HEMK2: variants seen among roughly 807,000 people sequenced by gnomAD.
HEMK2 encodes the protein HemK methyltransferase 2, ETF1 glutamine and histone H4 lysine.
the HEMK2 span, among the ~76,000 whole-genome samples, chr21:28,784,623 C>T: frequency 6.6e-6 from 1 of 152,052 alleles, no homozygotes. Flanking sequence ...CTGTGTCTAG[C>T]TCAAGGTTTG....
chr21:28,622,260 T>C, the HEMK2 span, among the ~76,000 whole-genome samples: 2 of 152,156 alleles, frequency 1.3e-5, no homozygotes, highest in East Asian at 1.9e-4. Flanking sequence ...TACCTAGGAA[T>C]ACAACTTACA....
the HEMK2 span, among the ~76,000 whole-genome samples, chr21:28,842,213 G>A: frequency 6.6e-6 from 1 of 151,528 alleles, no homozygotes; most frequent in Non-Finnish European, 1.5e-5. Context: ...GTGTTCCATG[G>A]GTGTTATTGG....
the HEMK2 span, among the ~76,000 whole-genome samples, chr21:28,802,900 C>T: frequency 6.6e-6 from 1 of 152,042 alleles, no homozygotes; most frequent in Non-Finnish European, 1.5e-5. Context: ...GGAGTAGATG[C>T]TTGTTTATAT....
the HEMK2 span, among the ~76,000 whole-genome samples, chr21:28,745,787 G>A: frequency 1.3e-5 from 2 of 152,162 alleles, no homozygotes; most frequent in African/African-American, 4.8e-5. Flanking sequence ...TGCAAAAACA[G>A]CCCCATGGAA....
At chr21:28,859,440 C>T in the HEMK2 span, among the ~76,000 whole-genome samples, 1 of 152,136 alleles carries the variant, frequency 6.6e-6, no homozygotes, top group Non-Finnish European at 1.5e-5. Flanking sequence ...CAATAATCAC[C>T]ATCCTTATCT....
At chr21:28,664,891 A>G in the HEMK2 span, among the ~76,000 whole-genome samples, 1 of 152,272 alleles carries the variant, frequency 6.6e-6, no homozygotes, top group South Asian at 2.1e-4. Context: ...ATTAATATTT[A>G]TTATAAGTTA....
At chr21:28,875,288 T>C in the HEMK2 span, 2 of 152,272 alleles carry the variant, frequency 1.3e-5, no homozygotes, top group African/African-American at 4.8e-5. Context: ...CAGTTCATGA[T>C]GGGAAGCTCA....
chr21:28,724,041 G>A, the HEMK2 span, among the ~76,000 whole-genome samples: 4,638 of 152,322 alleles, frequency 0.03, 167 homozygotes, highest in East Asian at 0.14. Context: ...GATGGAAGAA[G>A]TGAGGACAAT....
the HEMK2 span, among the ~76,000 whole-genome samples, chr21:28,597,145 G>A: frequency 6.6e-6 from 1 of 152,008 alleles, no homozygotes; most frequent in East Asian, 1.9e-4. Context: ...AGGCAAAAGG[G>A]AACAAGAATG....
the HEMK2 span, among the ~76,000 whole-genome samples, chr21:28,764,970 G>C: frequency 2.0e-5 from 3 of 152,102 alleles, no homozygotes; most frequent in African/African-American, 7.2e-5. Flanking sequence ...TCTCTTGTGT[G>C]ATGCTCTCCC....
At chr21:28,578,445 A>C in the HEMK2 span, among the ~76,000 whole-genome samples, 50 of 152,346 alleles carry the variant, frequency 3.3e-4, no homozygotes, top group African/African-American at 8.4e-4. Flanking sequence ...AGGACAGACG[A>C]TATTGACAGT....
the HEMK2 span, among the ~76,000 whole-genome samples, chr21:28,610,489 A>G: frequency 2.6e-5 from 4 of 151,868 alleles, no homozygotes; most frequent in South Asian, 4.2e-4. Flanking sequence ...AAAACAATAC[A>G]ATGAAAAAAA....
the HEMK2 span, among the ~76,000 whole-genome samples, chr21:28,797,530 G>A: frequency 2.6e-5 from 4 of 152,170 alleles, no homozygotes; most frequent in East Asian, 1.9e-4. Flanking sequence ...TGGGAGAATC[G>A]CTTGAATCTG....
chr21:28,813,606 A>G, the HEMK2 span, among the ~76,000 whole-genome samples: 1 of 152,182 alleles, frequency 6.6e-6, no homozygotes, highest in Non-Finnish European at 1.5e-5. Flanking sequence ...ACCAAAAAAG[A>G]GCCCATATAG....
chr21:28,835,368 G>A, the HEMK2 span, among the ~76,000 whole-genome samples: 1 of 152,096 alleles, frequency 6.6e-6, no homozygotes, highest in East Asian at 1.9e-4. Context: ...AGACTCACTG[G>A]GTGGCTAGAC....
the HEMK2 span, among the ~76,000 whole-genome samples, chr21:28,695,616 A>G: frequency 6.6e-6 from 1 of 152,060 alleles, no homozygotes; most frequent in Non-Finnish European, 1.5e-5. Context: ...CCATGATTCA[A>G]TTATCTCCAC....
At chr21:28,722,930 T>C in the HEMK2 span, among the ~76,000 whole-genome samples, 1 of 151,816 alleles carries the variant, frequency 6.6e-6, no homozygotes, top group African/African-American at 2.4e-5. Context: ...AGAAAGGCCA[T>C]GAGAGGAGCC....
the HEMK2 span, among the ~76,000 whole-genome samples, chr21:28,728,465 T>C: frequency 6.6e-6 from 1 of 150,644 alleles, no homozygotes; most frequent in African/African-American, 2.5e-5. Context: ...TTCAAGTGGT[T>C]ATGTTTGCCC....
At chr21:28,722,977 G>C in the HEMK2 span, among the ~76,000 whole-genome samples, 2 of 151,182 alleles carry the variant, frequency 1.3e-5, no homozygotes, top group Non-Finnish European at 2.9e-5. Flanking sequence ...TGCATCTTCA[G>C]AACTCCATAC....
Sources: allele counts gnomAD v4.1 joint callset (sites outside exome capture counted in the v4.1 genomes callset), GRCh38; gene constraint gnomAD v4.1.1; transcripts MANE v1.5; gene names NCBI Gene and HGNC (gene_info 2026-07-23, HGNC 2026-07-21).